Variants in CRB1 observed in about 807,000 individuals in gnomAD.
The protein encoded by CRB1 is protein crumbs homolog 1.
Under a neutral mutation model 120.0 loss-of-function variants are expected in CRB1, and 83 were observed. That is an observed-to-expected ratio of 0.69 (90% CI 0.58 to 0.83). The LOEUF is 0.83. Ranked by LOEUF, CRB1 falls within the 40% of genes least tolerant of loss-of-function variation. The probability of loss-of-function intolerance (pLI) is 0.00; values close to 1 mark genes in which losing one functional copy is unlikely to be tolerated. For missense variants in CRB1, 1,699 were observed against 1,687.6 expected (o/e 1.01, Z -0.12); for synonymous variants, 625 against 612.5 (o/e 1.02, Z -0.30).
At chr1:197,373,625 A>C (rs1661491175) in intron 5 of CRB1, among the ~76,000 whole-genome samples, 1 of 152,192 alleles carries the variant, frequency 6.6e-6, no homozygotes, top group African/African-American at 2.4e-5. Flanking sequence ...CAGCCTTAAT[A>C]AACTGTTTTA....
At chr1:197,389,275 G>C (rs1240300779) in intron 5 of CRB1, among the ~76,000 whole-genome samples, 1 of 152,088 alleles carries the variant, frequency 6.6e-6, no homozygotes, top group Non-Finnish European at 1.5e-5. Context: ...TCCATCAATA[G>C]ATGACTGGCT....
At chr1:197,450,988 A>T (rs1015615295) in intron 11 of CRB1, among the ~76,000 whole-genome samples, 4 of 150,086 alleles carry the variant, frequency 2.7e-5, no homozygotes, top group Non-Finnish European at 5.9e-5. Context: ...AAAAGAAAGC[A>T]TAAATAAGAC....
rs1477127385 is a variant in CRB1, at chr1:197,421,191, A to G, written c.1363A>G (p.Thr455Ala). The G allele has an allele frequency of 6.2e-7, 1 of 1,614,204 alleles. No homozygotes were observed. The highest frequency in any genetic ancestry group is 2.2e-5 in the East Asian group (1 of 44,878). ...CCATCAGCAATGTCTAAATAATGGAACATGCATCCCTCACTTCCAAGATGG... is the reference window on the plus strand; with the variant it reads ...CCATCAGCAATGTCTAAATAATGGAGCATGCATCCCTCACTTCCAAGATGG... ...CTHQQCLNNG[T>A]CIPHFQDGQH... Residue 455 changes from threonine (T) to alanine (A), a missense_variant, in exon 6 of 12, where the codon ACA (threonine) becomes GCA (alanine). Coordinates refer to ENST00000367400, the MANE Select transcript of CRB1 (RefSeq NM_201253.3).
At chr1:197,252,582 A>ATATATATATATGTGTGTGTG in the CRB1 span, among the ~76,000 whole-genome samples, 8 of 15,496 alleles carry the variant, frequency 5.2e-4, no homozygotes, top group Admixed American at 2.3e-3. Flanking sequence ...ATATATATAT[A>ATATATATATATGTGTGTGTG]TGTGTGTGTG....
chr1:197,267,421 T>C (rs544608429), upstream of CRB1, among the ~76,000 whole-genome samples: 267 of 152,254 alleles, frequency 1.8e-3, no homozygotes, highest in South Asian at 3.5e-3. Flanking sequence ...GCAGAAAATA[T>C]AAAGACTTCA....
the CRB1 span, among the ~76,000 whole-genome samples, chr1:197,202,264 G>T: frequency 6.6e-6 from 1 of 152,194 alleles, no homozygotes; most frequent in East Asian, 1.9e-4. Context: ...GAAGAAACTT[G>T]CCTGTCTCCG....
chr1:197,311,930 GAT>G lies in CRB1; in HGVS notation c.71-16487_71-16486del, dbSNP rs548507873. Among the ~76,000 whole-genome samples the G allele has an allele frequency of 4.2e-4, 64 of 152,182 alleles. No homozygotes were observed. In the South Asian group the frequency reaches 0.013, roughly 31 times the overall value. On this transcript the variant is annotated intron_variant, in intron 1 of 11. Transcript: ENST00000367400. Reference sequence around the variant, plus strand: ...TTTGCTCATCTTTTAAATTTTGAGTGATATATCTTTCTTTGTACAGAAACTTA... The same window carrying G: ...TTTGCTCATCTTTTAAATTTTGAGTGATATCTTTCTTTGTACAGAAACTTA...
chr1:197,221,039 C>T, the CRB1 span, among the ~76,000 whole-genome samples: 7 of 152,088 alleles, frequency 4.6e-5, no homozygotes, highest in Admixed American at 6.5e-5. Context: ...TGTCTTCTAA[C>T]GGGCAGGCTA....
intron 2 of CRB1, among the ~76,000 whole-genome samples, chr1:197,337,055 A>G (rs923096938): frequency 1.8e-4 from 28 of 152,206 alleles, no homozygotes; most frequent in African/African-American, 6.3e-4. Flanking sequence ...TCCAAAATGT[A>G]TATGTTGAAA....
intron 5 of CRB1, among the ~76,000 whole-genome samples, chr1:197,396,035 G>A (rs1341611101): frequency 1.3e-5 from 2 of 151,956 alleles, no homozygotes; most frequent in African/African-American, 4.8e-5. Flanking sequence ...ACATATATTG[G>A]AAAAAAGTAA....
At chr1:197,419,171 C>T (rs892309280) in intron 5 of CRB1, among the ~76,000 whole-genome samples, 6 of 152,106 alleles carry the variant, frequency 3.9e-5, no homozygotes, top group African/African-American at 1.4e-4. Context: ...TATATGTGAC[C>T]TGCTCACAAT....
At chr1:197,319,896 A>G (rs1658092045) in intron 1 of CRB1, among the ~76,000 whole-genome samples, 1 of 152,182 alleles carries the variant, frequency 6.6e-6, no homozygotes, top group Non-Finnish European at 1.5e-5. Context: ...AATAGACCTG[A>G]GGTAAACAGA....
chr1:197,259,298 A>ATTCTTTATC, the CRB1 span, among the ~76,000 whole-genome samples: 1 of 152,248 alleles, frequency 6.6e-6, no homozygotes, highest in African/African-American at 2.4e-5. Context: ...TCAATGATAG[A>ATTCTTTATC]CTGGATAAAG....
intron 1 of CRB1, 96 bp from the exon 2 acceptor site, chr1:197,328,325 AT>A (rs1658638457): frequency 2.2e-6 from 2 of 914,878 alleles, no homozygotes; most frequent in Non-Finnish European, 3.4e-6. Flanking sequence ...TATTTTATTA[AT>A]GAGTTTGGTT....
rs1367485045 is a variant in CRB1 at position 197,328,983 on chromosome 1, T to A, written c.632T>A (p.Ile211Asn). 1 of 1,613,218 alleles carries A rather than the reference T, an allele frequency of 6.2e-7. No homozygotes were observed. The highest frequency in any genetic ancestry group is 8.5e-7 in the Non-Finnish European group (1 of 1,179,920). ...AATGAAATAGGAAGATATACTTGTA[T>A]CTGTCCCCACAATTATTCTGGTAAG... Reference protein sequence around the residue: ...CLNEIGRYTCICPHNYSGVNC... With the variant: ...CLNEIGRYTCNCPHNYSGVNC... The change falls in exon 2 of 12, where the codon ATC becomes AAC. Residue 211 changes from isoleucine (I) to asparagine (N), a missense_variant. Physicochemically the swap from Ile to Asn is moderately radical, Grantham distance 149. Coordinates refer to ENST00000367400, the MANE Select transcript of CRB1 (RefSeq NM_201253.3).
chr1:197,437,123 A>G (rs1665200790), intron 9 of CRB1, among the ~76,000 whole-genome samples: 1 of 152,152 alleles, frequency 6.6e-6, no homozygotes, highest in African/African-American at 2.4e-5. Flanking sequence ...TGAGAGGGTT[A>G]TTATTAACAA....
At chr1:197,381,218 ATT>A (rs1024685325) in intron 5 of CRB1, among the ~76,000 whole-genome samples, 20 of 152,162 alleles carry the variant, frequency 1.3e-4, no homozygotes, top group African/African-American at 4.8e-4. Flanking sequence ...TCCTTTTAAT[ATT>A]TTAGCCTGTT....
In CRB1 at chr1:197,284,824, G is replaced by A. The variant is rs1655731010; in HGVS notation, c.70+16342G>A. Among the ~76,000 whole-genome samples the A allele has an allele frequency of 5.3e-5, 8 of 151,748 alleles. No homozygotes were observed. In the South Asian group the frequency reaches 1.5e-3, roughly 28 times the overall value. ...GATATTGTAATTTAAAAAAATAATA[G>A]AACAAAGGAATCCACTGCTTGGTTG... On this transcript the variant is annotated intron_variant, in intron 1 of 11. Transcript: ENST00000367400.
chr1:197,470,044 C>T (rs751351307), intron 11 of CRB1, among the ~76,000 whole-genome samples: 10 of 152,138 alleles, frequency 6.6e-5, no homozygotes, highest in Non-Finnish European at 8.8e-5. Context: ...GTTTTTATTA[C>T]GTAAAAATCC....
Sources: allele counts gnomAD v4.1 joint callset (sites outside exome capture counted in the v4.1 genomes callset), GRCh38; gene constraint gnomAD v4.1.1; transcripts MANE v1.5; gene names NCBI Gene and HGNC (gene_info 2026-07-23, HGNC 2026-07-21).